Variants in MICU3 observed in about 807,000 individuals in gnomAD.
The protein encoded by MICU3 is calcium uptake protein 3, mitochondrial.
Under a neutral mutation model 66.5 loss-of-function variants are expected in MICU3, and 62 were observed. The observed-to-expected ratio is 0.93, with a 90% confidence interval of 0.76 to 1.15. The LOEUF is 1.15. Among genes scored for constraint, MICU3 ranks in the 50% most tolerant of loss-of-function variants. MICU3 has a pLI of 0.00. For synonymous variants in MICU3, 308 were observed against 240.7 expected (o/e 1.28, Z -2.59); for missense variants, 779 against 664.4 (o/e 1.17, Z -1.90).
chr8:17,132,282 T>C, the MICU3 span: 4 of 152,244 alleles, frequency 2.6e-5, no homozygotes, highest in Non-Finnish European at 5.9e-5. Context: ...CCCTTTTTTC[T>C]GCAGTTGGTC....
At chr8:17,126,561 G>A (rs1171501604), downstream of MICU3, among the ~76,000 whole-genome samples, 2 of 152,150 alleles carry the variant, frequency 1.3e-5, no homozygotes. Flanking sequence ...TGGGGGCGTG[G>A]TTATATTTAA....
At chr8:17,052,450 A>T (rs188225244) in intron 1 of MICU3, among the ~76,000 whole-genome samples, 39 of 152,148 alleles carry the variant, frequency 2.6e-4, no homozygotes, top group African/African-American at 8.4e-4. Context: ...CTAGAATTTA[A>T]TTTCTTCTAT....
intron 11 of MICU3, among the ~76,000 whole-genome samples, chr8:17,107,334 C>A (rs182726637): frequency 5.2e-4 from 79 of 152,208 alleles, no homozygotes; most frequent in Middle Eastern, 3.4e-3. Context: ...TGGGTAAAGT[C>A]TTCTAGACAG....
rs1276176031 is a variant in MICU3, at chr8:17,070,772, G to T, written c.567+1053G>T. Among the ~76,000 whole-genome samples the T allele has an allele frequency of 5.3e-5, 8 of 151,952 alleles. No homozygotes were observed. In the South Asian group the frequency reaches 8.3e-4, roughly 16 times the overall value. Reference sequence around the variant, plus strand: ...TGAGAGACATTGTCTTTAAAGTTAGGTATATTAGTCCCCGTTTATCAGTGG... The same window carrying T: ...TGAGAGACATTGTCTTTAAAGTTAGTTATATTAGTCCCCGTTTATCAGTGG... On this transcript the variant is annotated intron_variant, in intron 3 of 14. Coordinates refer to ENST00000318063, the MANE Select transcript of MICU3 (RefSeq NM_181723.3).
rs1479469212 is a variant in MICU3 at position 17,027,570 on chromosome 8, G to A, written c.291G>A (p.Gly97=). 2.3e-6 allele frequency: 3 copies of A among 1,281,754 alleles called. No individual in the cohort carries two copies. Among genetic ancestry groups the A allele is most frequent in the South Asian group, 2.6e-5 (1 of 38,382 alleles). 79.4% of individuals were successfully genotyped at this position (1,281,754 alleles called of 1,614,324 possible). The change falls in exon 1 of 15, where the codon GGG becomes GGA. Residue 97 remains glycine, a synonymous_variant. Coordinates refer to ENST00000318063, the MANE Select transcript of MICU3 (RefSeq NM_181723.3). ...GDPRAGSPAT[G]RPSKSAATEP... ...CCAGGGCCGGCTCGCCGGCGACCGG[G>A]CGACCCTCAAAGAGCGCGGCCACGG...
At chr8:17,031,566 G>A (rs1229465387) in intron 1 of MICU3, among the ~76,000 whole-genome samples, 3 of 151,914 alleles carry the variant, frequency 2.0e-5, no homozygotes, top group Admixed American at 1.3e-4. Context: ...GAATACAGTC[G>A]TGAGCCGCTG....
At position 17,104,506 on chromosome 8, in the gene MICU3, A is replaced by G; in HGVS notation, c.1085+15A>G. ...GATTTTTATAGGTGAGCTTATTTTT[A>G]TATTTTTATTAAAAATTATTAGCCT... On this transcript the variant is annotated intron_variant, in intron 10 of 14. Coordinates refer to ENST00000318063, the MANE Select transcript of MICU3 (RefSeq NM_181723.3). The G allele has an allele frequency of 7.5e-7, 1 of 1,324,614 alleles. No individual in the cohort carries two copies. The highest frequency in any genetic ancestry group is 1.0e-6 in the Non-Finnish European group (1 of 980,228). 82.1% of individuals were successfully genotyped at this position (1,324,614 alleles called of 1,614,324 possible).
intron 11 of MICU3, 73 bp from the exon 12 acceptor site, chr8:17,114,020 C>T: frequency 2.2e-6 from 2 of 911,996 alleles, no homozygotes; most frequent in Non-Finnish European, 3.4e-6. Context: ...CTGTTTTTTT[C>T]TCTTATGTGT....
At chr8:17,097,018 G>A (rs556956931) in intron 8 of MICU3, among the ~76,000 whole-genome samples, 1 of 150,218 alleles carries the variant, frequency 6.7e-6, no homozygotes, top group Admixed American at 6.7e-5. Context: ...GTGTTTGGAA[G>A]TAAGGATGAG....
chr8:17,113,516 A>G lies in MICU3; in HGVS notation c.1258-577A>G, dbSNP rs540903543. Among the ~76,000 whole-genome samples the G allele has an allele frequency of 7.2e-5, 11 of 152,318 alleles. No individual in the cohort carries two copies. In the East Asian group the frequency reaches 2.1e-3, roughly 29 times the overall value. On this transcript the variant is annotated intron_variant, in intron 11 of 14. Transcript: ENST00000318063. ...ACACCAGCCCAGTGTGGAGGCACCCAGAACTGTACCTCTGAGGTCATTGCA... is the reference window on the plus strand; with the variant it reads ...ACACCAGCCCAGTGTGGAGGCACCCGGAACTGTACCTCTGAGGTCATTGCA...
At chr8:17,068,442 AT>A (rs1432927252) in intron 2 of MICU3, among the ~76,000 whole-genome samples, 4 of 152,084 alleles carry the variant, frequency 2.6e-5, no homozygotes, top group Admixed American at 6.6e-5. Context: ...TCTACCATTT[AT>A]TTTTCTTCTT....
intron 9 of MICU3, among the ~76,000 whole-genome samples, chr8:17,099,556 C>G (rs1801077791): frequency 6.6e-6 from 1 of 151,628 alleles, no homozygotes; most frequent in Admixed American, 6.6e-5. Flanking sequence ...AGTATTTTGT[C>G]CTATGTTTAA....
At chr8:17,126,045 A>AAC (rs894979234), downstream of MICU3, among the ~76,000 whole-genome samples, 1 of 151,496 alleles carries the variant, frequency 6.6e-6, no homozygotes, top group African/African-American at 2.4e-5. Context: ...AAAAAAAAAA[A>AAC]AAAAAAACCT....
chr8:17,105,631 C>T (rs187363370), intron 11 of MICU3, 47 bp downstream of exon 11: 11 of 1,172,268 alleles, frequency 9.4e-6, no homozygotes, highest in African/African-American at 7.9e-5. Context: ...TTTTGCAATA[C>T]GTGCCTCTAA....
intron 13 of MICU3, among the ~76,000 whole-genome samples, chr8:17,118,463 A>T (rs905788547): frequency 1.2e-4 from 19 of 152,158 alleles, no homozygotes; most frequent in Admixed American, 6.5e-5. Context: ...ATACATGATT[A>T]CTAACTATGG....
the MICU3 span, among the ~76,000 whole-genome samples, chr8:17,129,367 T>C: frequency 6.6e-6 from 1 of 152,200 alleles, no homozygotes; most frequent in African/African-American, 2.4e-5. Flanking sequence ...ATAAAAACTT[T>C]AAGAACTATT....
chr8:17,031,940 C>A (rs968179082), intron 1 of MICU3, among the ~76,000 whole-genome samples: 10 of 152,238 alleles, frequency 6.6e-5, no homozygotes, highest in African/African-American at 2.4e-4. Flanking sequence ...TGTTTGTCTT[C>A]TTTACTTGTC....
At chr8:17,090,339 G>C (rs959251381) in intron 7 of MICU3, among the ~76,000 whole-genome samples, 1 of 152,038 alleles carries the variant, frequency 6.6e-6, no homozygotes, top group African/African-American at 2.4e-5. Flanking sequence ...TTCATTTAAT[G>C]TTTAATTATC....
chr8:17,037,475 G>A (rs1813239877), intron 1 of MICU3, among the ~76,000 whole-genome samples: 1 of 152,216 alleles, frequency 6.6e-6, no homozygotes, highest in East Asian at 1.9e-4. Context: ...TGCTTCAGAA[G>A]GTGCAAGCCC....
Sources: gnomAD v4.1 joint callset for allele counts (sites outside exome capture counted in the v4.1 genomes callset) on GRCh38, gnomAD v4.1.1 for gene constraint, MANE v1.5 for transcripts, NCBI Gene and HGNC (gene_info 2026-07-23, HGNC 2026-07-21) for gene names.